The following KCNIP1 variants were observed in gnomAD, a reference collection of about 807,000 sequenced individuals.
KCNIP1 encodes the protein A-type potassium channel modulatory protein KCNIP1.
A neutral mutation model predicts 33.0 loss-of-function variants in KCNIP1; 18 were observed. The observed-to-expected ratio is 0.55, with a 90% CI of 0.38 to 0.81. The LOEUF (loss-of-function observed/expected upper bound fraction) is 0.81. Among genes scored for constraint, KCNIP1 ranks in the 30% least tolerant of loss-of-function variants. The pLI is 0.00. For synonymous variants in KCNIP1, 93 were observed against 98.3 expected (o/e 0.95, Z 0.32); for missense variants, 238 against 271.6 (o/e 0.88, Z 0.87).
chr5:170,733,210 C>A (rs1764266776), intron 6 of KCNIP1, among the ~76,000 whole-genome samples: 1 of 152,090 alleles, frequency 6.6e-6, no homozygotes, highest in South Asian at 2.1e-4. Flanking sequence ...AGGTGTTAAG[C>A]ATTTGTGTCT....
intron 1 of KCNIP1, among the ~76,000 whole-genome samples, chr5:170,534,544 A>G (rs947900103): frequency 2.0e-5 from 3 of 152,068 alleles, no homozygotes; most frequent in African/African-American, 7.2e-5. Flanking sequence ...GCAGAGCTAC[A>G]GAAGCACCTG....
chr5:170,426,043 C>T (rs750786782), intron 1 of KCNIP1, among the ~76,000 whole-genome samples: 44 of 152,162 alleles, frequency 2.9e-4, no homozygotes, highest in Non-Finnish European at 4.3e-4. Flanking sequence ...GGGATTATTC[C>T]TGGAGGCCCA....
At chr5:170,357,614 C>T (rs1202295931) in intron 1 of KCNIP1, among the ~76,000 whole-genome samples, 4 of 152,210 alleles carry the variant, frequency 2.6e-5, no homozygotes, top group Admixed American at 6.5e-5. Context: ...ACTGCAGCCT[C>T]GACTTTCTGG....
intron 1 of KCNIP1, among the ~76,000 whole-genome samples, chr5:170,473,242 T>A (rs1374029068): frequency 6.6e-6 from 1 of 152,240 alleles, no homozygotes; most frequent in African/African-American, 2.4e-5. Context: ...CTGAGAATTG[T>A]TTATAATTGA....
chr5:170,554,920 C>T (rs140996513), intron 1 of KCNIP1, among the ~76,000 whole-genome samples: 5 of 152,264 alleles, frequency 3.3e-5, no homozygotes, highest in East Asian at 1.9e-4. Flanking sequence ...CCAGACATGT[C>T]GCTGACACCA....
intron 1 of KCNIP1, among the ~76,000 whole-genome samples, chr5:170,555,728 G>A (rs977184166): frequency 6.6e-6 from 1 of 152,204 alleles, no homozygotes; most frequent in Non-Finnish European, 1.5e-5. Flanking sequence ...AAACAGGGAT[G>A]TCCCTGTCTG....
chr5:170,496,709 A>G (rs1427951194), intron 1 of KCNIP1, among the ~76,000 whole-genome samples: 2 of 152,166 alleles, frequency 1.3e-5, no homozygotes, highest in Non-Finnish European at 2.9e-5. Flanking sequence ...TTAGAAAGAC[A>G]AGGAATTCTA....
intron 1 of KCNIP1, among the ~76,000 whole-genome samples, chr5:170,391,500 G>T (rs980210437): frequency 6.6e-6 from 1 of 152,318 alleles, no homozygotes; most frequent in East Asian, 1.9e-4. Flanking sequence ...TGCTGGCTGC[G>T]GGGTTGTGTG....
chr5:170,601,447 A>G (rs890730756), intron 1 of KCNIP1, among the ~76,000 whole-genome samples: 2 of 152,194 alleles, frequency 1.3e-5, no homozygotes, highest in African/African-American at 4.8e-5. Context: ...CTTTGTCCCG[A>G]AAACCCAGGG....
At chr5:170,502,723 GGTGT>G (rs1248775876), upstream of KCNIP1, among the ~76,000 whole-genome samples, 2 of 152,136 alleles carry the variant, frequency 1.3e-5, no homozygotes, top group Non-Finnish European at 2.9e-5. Flanking sequence ...CTGCTAGCAT[GGTGT>G]GTATCTGTGT....
chr5:170,551,631 T>C (rs1756638772), intron 1 of KCNIP1, among the ~76,000 whole-genome samples: 1 of 151,798 alleles, frequency 6.6e-6, no homozygotes, highest in Non-Finnish European at 1.5e-5. Context: ...TGTGTGTGTG[T>C]GTGTGCATGT....
At chr5:170,505,542 C>A (rs1302291262) in intron 1 of KCNIP1, among the ~76,000 whole-genome samples, 1 of 152,178 alleles carries the variant, frequency 6.6e-6, no homozygotes, top group African/African-American at 2.4e-5. Flanking sequence ...CTTAAACATT[C>A]AAATTCTACC....
chr5:170,462,264 C>CAAAAAAAAA (rs760686464), intron 1 of KCNIP1, among the ~76,000 whole-genome samples: 27 of 51,958 alleles, frequency 5.2e-4, no homozygotes, highest in African/African-American at 9.4e-4. Context: ...AACAAATTAG[C>CAAAAAAAAA]AAAAAAAAAA....
At chr5:170,715,915 C>T (rs1444241002) in intron 1 of KCNIP1, among the ~76,000 whole-genome samples, 1 of 152,224 alleles carries the variant, frequency 6.6e-6, no homozygotes, top group Non-Finnish European at 1.5e-5. Flanking sequence ...CGGGTTCACG[C>T]TCTTCTCTCC....
At chr5:170,432,245 T>C (rs1250658237) in intron 1 of KCNIP1, among the ~76,000 whole-genome samples, 1 of 152,216 alleles carries the variant, frequency 6.6e-6, no homozygotes, top group Non-Finnish European at 1.5e-5. Context: ...AATCCCTTCC[T>C]GCACTCATTT....
chr5:170,721,825 C>A lies in KCNIP1; in HGVS notation c.257-8C>A. ...CCCCATCACCTGCCCTCCTTTTCTGCCTTGTAGATGCCAGCACGTATGCCC... is the reference window on the plus strand; with the variant it reads ...CCCCATCACCTGCCCTCCTTTTCTGACTTGTAGATGCCAGCACGTATGCCC... On this transcript the variant is annotated splice_polypyrimidine_tract_variant and splice_region_variant and intron_variant, in intron 3 of 7. Coordinates refer to ENST00000328939, the MANE Select transcript of KCNIP1 (RefSeq NM_014592.4). 1 of 1,614,172 alleles carries A rather than the reference C, an allele frequency of 6.2e-7. No homozygotes were observed. The highest frequency in any genetic ancestry group is 8.5e-7 in the Non-Finnish European group (1 of 1,180,010).
chr5:170,363,817 T>C (rs60067469), intron 1 of KCNIP1, among the ~76,000 whole-genome samples: 32,596 of 151,998 alleles, frequency 0.21, 4,254 homozygotes, highest in African/African-American at 0.37. Flanking sequence ...CAGAACATTT[T>C]TCTTCTCGCA....
chr5:170,372,473 T>C (rs1763871250), intron 1 of KCNIP1, among the ~76,000 whole-genome samples: 1 of 151,920 alleles, frequency 6.6e-6, no homozygotes, highest in Admixed American at 6.6e-5. Context: ...TCTGCAGAGG[T>C]TGCCGGGTAG....
intron 1 of KCNIP1, among the ~76,000 whole-genome samples, chr5:170,362,985 A>C (rs1763555284): frequency 6.6e-6 from 1 of 152,222 alleles, no homozygotes; most frequent in Admixed American, 6.5e-5. Flanking sequence ...AACTCTGCCC[A>C]GGCCTCACAA....
Sources: allele counts gnomAD v4.1 joint callset (sites outside exome capture counted in the v4.1 genomes callset), GRCh38; gene constraint gnomAD v4.1.1; transcripts MANE v1.5; gene names NCBI Gene and HGNC (gene_info 2026-07-23, HGNC 2026-07-21).